The following DLGAP2 variants were observed in gnomAD, a reference collection of about 807,000 sequenced individuals.
DLGAP2 encodes the protein disks large-associated protein 2.
DLGAP2 carries 26 observed loss-of-function variants against 100.3 expected under a neutral mutation model. That is an observed-to-expected ratio of 0.26 (90% CI 0.19 to 0.36). DLGAP2 has a LOEUF of 0.36. Among genes scored for constraint, DLGAP2 ranks in the 10% least tolerant of loss-of-function variants. The pLI is 1.00. For synonymous variants in DLGAP2, 886 were observed against 630.1 expected (o/e 1.41, Z -6.08); for missense variants, 1,858 against 1,453.2 (o/e 1.28, Z -4.53).
chr8:1,120,905 C>G (rs1041134350), intron 2 of DLGAP2, among the ~76,000 whole-genome samples: 1 of 151,854 alleles, frequency 6.6e-6, no homozygotes, highest in Non-Finnish European at 1.5e-5. Context: ...CCCATGACCT[C>G]CCATCCTCAT....
At chr8:1,550,778 G>A (rs1335262928) in intron 5 of DLGAP2, among the ~76,000 whole-genome samples, 1 of 152,200 alleles carries the variant, frequency 6.6e-6, no homozygotes, top group Non-Finnish European at 1.5e-5. Flanking sequence ...TACTGGAGAA[G>A]CTCTCTGGGA....
chr8:1,473,831 T>C (rs1584937935), intron 3 of DLGAP2, among the ~76,000 whole-genome samples: 1 of 152,314 alleles, frequency 6.6e-6, no homozygotes. Context: ...TGGCTTCCAT[T>C]GTCTCTTGTC....
In DLGAP2 at chr8:1,424,321, C is replaced by T. The variant is rs1183667715; in HGVS notation, c.107-77045C>T. Among the ~76,000 whole-genome samples, 7 of 152,178 alleles carry T rather than the reference C, an allele frequency of 4.6e-5. No individual in the cohort carries two copies. In the East Asian group the frequency reaches 7.7e-4, roughly 17 times the overall value. On this transcript the variant is annotated intron_variant, in intron 3 of 14. Coordinates refer to ENST00000637795, the MANE Select transcript of DLGAP2 (RefSeq NM_001346810.2). ...GACAACAGAGACTTATTAAGACGTGCGTATCAAGGGCCCACTATGAGCCAA... is the reference window on the plus strand; with the variant it reads ...GACAACAGAGACTTATTAAGACGTGTGTATCAAGGGCCCACTATGAGCCAA...
chr8:1,175,763 C>T (rs540781817), intron 2 of DLGAP2, among the ~76,000 whole-genome samples: 1 of 152,210 alleles, frequency 6.6e-6, no homozygotes, highest in Non-Finnish European at 1.5e-5. Flanking sequence ...CTTTGTCATT[C>T]ACCCTATACC....
At chr8:1,038,979 A>G (rs1398272735) in intron 2 of DLGAP2, among the ~76,000 whole-genome samples, 1 of 152,232 alleles carries the variant, frequency 6.6e-6, no homozygotes. Context: ...TATGCACTGA[A>G]ATCATATAGC....
intron 6 of DLGAP2, among the ~76,000 whole-genome samples, chr8:1,574,817 G>A (rs979550489): frequency 6.6e-6 from 1 of 152,180 alleles, no homozygotes; most frequent in Non-Finnish European, 1.5e-5. Flanking sequence ...GGAAACCCAC[G>A]AACATACGTG....
intron 8 of DLGAP2, among the ~76,000 whole-genome samples, chr8:1,647,735 C>G (rs6558503): frequency 0.57 from 86,931 of 151,852 alleles, 25,755 homozygotes; most frequent in African/African-American, 0.74. Flanking sequence ...CCGGGTCTCT[C>G]TCTCATTGCA....
At chr8:1,366,955 C>T (rs1245121513) in intron 3 of DLGAP2, among the ~76,000 whole-genome samples, 1 of 151,990 alleles carries the variant, frequency 6.6e-6, no homozygotes, top group Non-Finnish European at 1.5e-5. Flanking sequence ...TACATGGCAA[C>T]CCCTCCAACA....
At chr8:1,331,980 C>T (rs1200324617) in intron 3 of DLGAP2, among the ~76,000 whole-genome samples, 3 of 152,032 alleles carry the variant, frequency 2.0e-5, no homozygotes, top group Non-Finnish European at 2.9e-5. Flanking sequence ...CCCTGAACAG[C>T]CCCAGGGTGG....
intron 2 of DLGAP2, among the ~76,000 whole-genome samples, chr8:1,157,047 G>A (rs1045377054): frequency 1.3e-5 from 2 of 152,016 alleles, no homozygotes; most frequent in East Asian, 1.9e-4. Context: ...GGTACCTTCA[G>A]AGGAAGCCTC....
chr8:1,447,818 A>T (rs1798023542), intron 3 of DLGAP2, among the ~76,000 whole-genome samples: 1 of 152,162 alleles, frequency 6.6e-6, no homozygotes, highest in Non-Finnish European at 1.5e-5. Flanking sequence ...GTCTTGGGAC[A>T]GTGTATGTGT....
intron 2 of DLGAP2, among the ~76,000 whole-genome samples, chr8:964,852 G>A (rs1799809185): frequency 6.6e-6 from 1 of 152,174 alleles, no homozygotes; most frequent in African/African-American, 2.4e-5. Context: ...GCCTTGCGAT[G>A]GCCTTTGGCT....
At chr8:1,157,976 A>C (rs1796823203) in intron 2 of DLGAP2, among the ~76,000 whole-genome samples, 1 of 152,250 alleles carries the variant, frequency 6.6e-6, no homozygotes, top group Non-Finnish European at 1.5e-5. Context: ...GAGTTATACA[A>C]GAGACAGATT....
chr8:1,449,536 G>A (rs978681061), intron 3 of DLGAP2, among the ~76,000 whole-genome samples: 2 of 152,168 alleles, frequency 1.3e-5, no homozygotes, highest in Non-Finnish European at 2.9e-5. Flanking sequence ...CTGGCTTCCA[G>A]GCACCACAGC....
Position 1,066,350 on chromosome 8 carries a change from C to T in DLGAP2, c.73+158384C>T, listed in dbSNP as rs530155875. Among the ~76,000 whole-genome samples, 43 of 145,514 alleles carry T rather than the reference C, an allele frequency of 3.0e-4. 1 individual carries two copies. The highest frequency in any genetic ancestry group is 7.4e-4 in the African/African-American group (29 of 38,950). ...TCTGAGCGAGGGCAGCTCCTCACCA[C>T]GGTCAGGTCTGAGTGAGGACAGTTC... On this transcript the variant is annotated intron_variant, in intron 2 of 14. Coordinates refer to ENST00000637795, the MANE Select transcript of DLGAP2 (RefSeq NM_001346810.2).
intron 2 of DLGAP2, among the ~76,000 whole-genome samples, chr8:1,121,741 C>T (rs1228910320): frequency 1.2e-5 from 1 of 84,374 alleles, no homozygotes; most frequent in Non-Finnish European, 3.6e-5. Flanking sequence ...CCACAACCAC[C>T]CGTCTTCATC....
At chr8:772,194 C>T (rs1444587371) in intron 1 of DLGAP2, among the ~76,000 whole-genome samples, 1 of 152,136 alleles carries the variant, frequency 6.6e-6, no homozygotes, top group Non-Finnish European at 1.5e-5. Context: ...AGCCACTGTG[C>T]CCAGCCTCAT....
intron 2 of DLGAP2, among the ~76,000 whole-genome samples, chr8:954,048 T>G (rs2129008418): frequency 6.6e-6 from 1 of 152,340 alleles, no homozygotes; most frequent in South Asian, 2.1e-4. Flanking sequence ...ATGTGTGCAC[T>G]GTTAGGCAAC....
At chr8:971,723 G>A (rs921889705) in intron 2 of DLGAP2, among the ~76,000 whole-genome samples, 9 of 152,194 alleles carry the variant, frequency 5.9e-5, no homozygotes, top group Non-Finnish European at 1.0e-4. Flanking sequence ...TCAGAGGATT[G>A]TATTCTGAGC....
Sources: gnomAD v4.1 joint callset for allele counts (sites outside exome capture counted in the v4.1 genomes callset) on GRCh38, gnomAD v4.1.1 for gene constraint, MANE v1.5 for transcripts, NCBI Gene and HGNC (gene_info 2026-07-23, HGNC 2026-07-21) for gene names.